KCNIP4: variants seen among roughly 807,000 people sequenced by gnomAD.
The protein encoded by KCNIP4 is Kv channel-interacting protein 4.
KCNIP4 carries 12 observed loss-of-function variants against 34.0 expected under a neutral mutation model. That is an observed-to-expected ratio of 0.35 (90% confidence interval 0.23 to 0.57). The LOEUF (loss-of-function observed/expected upper bound fraction) is 0.57. KCNIP4 is among the 20% of genes least tolerant of loss of function. The pLI, the probability that KCNIP4 is intolerant of heterozygous loss-of-function variation, is 0.83. For synonymous variants in KCNIP4, 124 were observed against 102.2 expected (o/e 1.21, Z -1.29); for missense variants, 238 against 311.7 (o/e 0.76, Z 1.78).
At position 21,786,565 on chromosome 4, in the gene KCNIP4, A is replaced by G. The variant is rs149918955; in HGVS notation, c.61+162006T>C. On this transcript the variant is annotated intron_variant, in intron 1 of 8. Coordinates refer to ENST00000382152, the MANE Select transcript of KCNIP4 (RefSeq NM_025221.6). Reference sequence around the variant, plus strand: ...TGAGTGATTTTAAACCAGCATAGAGAGTCACTCTTTTTTTTTTTTTGAGAT... The same window carrying G: ...TGAGTGATTTTAAACCAGCATAGAGGGTCACTCTTTTTTTTTTTTTGAGAT... Among the ~76,000 whole-genome samples, 14 of 121,658 alleles carry G rather than the reference A, an allele frequency of 1.2e-4. No individual in the cohort carries two copies. The East Asian group carries it at 3.5e-3, about 30-fold the overall frequency. 79.8% of individuals were successfully genotyped at this position (121,658 alleles called of 152,430 possible).
At chr4:21,836,230 T>C (rs529724138) in intron 1 of KCNIP4, among the ~76,000 whole-genome samples, 46 of 152,276 alleles carry the variant, frequency 3.0e-4, no homozygotes, top group African/African-American at 1.0e-3. Context: ...TTTTTTAAAT[T>C]ACAAAGAGAA....
intron 1 of KCNIP4, among the ~76,000 whole-genome samples, chr4:21,499,959 A>T (rs1733176362): frequency 6.6e-6 from 1 of 152,198 alleles, no homozygotes; most frequent in Admixed American, 6.5e-5. Context: ...ATTTATCCTA[A>T]AAATTTTAGA....
At chr4:20,992,698 G>A (rs1737185558) in intron 1 of KCNIP4, among the ~76,000 whole-genome samples, 1 of 151,924 alleles carries the variant, frequency 6.6e-6, no homozygotes, top group Non-Finnish European at 1.5e-5. Flanking sequence ...ACCAACCTTA[G>A]AGCCCTGAAC....
At chr4:21,039,607 A>C (rs971827500) in intron 1 of KCNIP4, among the ~76,000 whole-genome samples, 2 of 152,204 alleles carry the variant, frequency 1.3e-5, no homozygotes, top group Admixed American at 6.5e-5. Context: ...GAAAATTTCC[A>C]GTTGTTATAA....
intron 1 of KCNIP4, among the ~76,000 whole-genome samples, chr4:21,636,611 G>T (rs1746187353): frequency 6.6e-6 from 1 of 152,084 alleles, no homozygotes; most frequent in Non-Finnish European, 1.5e-5. Context: ...AACTCTCCAA[G>T]ATCTACTAAA....
chr4:20,856,040 C>T (rs1312320960), intron 2 of KCNIP4, among the ~76,000 whole-genome samples: 1 of 152,150 alleles, frequency 6.6e-6, no homozygotes, highest in African/African-American at 2.4e-5. Flanking sequence ...CAAAATCCTT[C>T]AATTTTCTCC....
In KCNIP4 at chr4:20,904,729, A is replaced by G. The variant is rs181255447; in HGVS notation, c.62-22020T>C. On this transcript the variant is annotated intron_variant, in intron 1 of 8. Transcript: ENST00000382152. ...TGTTCAACTAATAATATAATCTTAAATACCAATAATGTTTTAAATTTTTAC... is the reference window on the plus strand; with the variant it reads ...TGTTCAACTAATAATATAATCTTAAGTACCAATAATGTTTTAAATTTTTAC... Among the ~76,000 whole-genome samples the G allele has an allele frequency of 2.6e-3, 394 of 152,284 alleles. 2 individuals carry two copies. The highest frequency in any genetic ancestry group is 9.1e-3 in the African/African-American group (377 of 41,560).
intron 1 of KCNIP4, among the ~76,000 whole-genome samples, chr4:21,158,049 A>C (rs966193164): frequency 6.6e-6 from 1 of 152,108 alleles, no homozygotes; most frequent in Non-Finnish European, 1.5e-5. Context: ...TGAAAAAAAA[A>C]CACGCATGTG....
intron 1 of KCNIP4, among the ~76,000 whole-genome samples, chr4:21,824,914 C>T (rs909372500): frequency 6.6e-6 from 1 of 151,994 alleles, no homozygotes; most frequent in Non-Finnish European, 1.5e-5. Flanking sequence ...GCTAGTGAGG[C>T]CCAGAGACCA....
At chr4:20,748,631 A>G (rs149733327) in intron 5 of KCNIP4, among the ~76,000 whole-genome samples, 5,759 of 145,102 alleles carry the variant, frequency 0.04, 174 homozygotes, top group Middle Eastern at 0.069. Flanking sequence ...AAATGTATAT[A>G]TGGAAAAGAG....
At chr4:21,863,670 A>G (rs1164326520) in intron 1 of KCNIP4, among the ~76,000 whole-genome samples, 1 of 152,218 alleles carries the variant, frequency 6.6e-6, no homozygotes, top group Non-Finnish European at 1.5e-5. Flanking sequence ...GAGCAGGAGA[A>G]GAAATGGAGA....
At position 20,749,655 on chromosome 4, in the gene KCNIP4, A is replaced by G. The variant is rs2322688; in HGVS notation, c.429+7T>C. The G allele has an allele frequency of 0.31, 480,100 of 1,574,060 alleles. 76,158 individuals are homozygous for G. Among genetic ancestry groups the G allele is most frequent in the African/African-American group, 0.44 (32,435 of 73,976 alleles). ...GTCAAATGATATGAAAATAATCCAG[A>G]GCTTACCTCGAAACTCACAGCTCCA... On this transcript the variant is annotated splice_region_variant and intron_variant, in intron 5 of 8. Coordinates refer to ENST00000382152, the MANE Select transcript of KCNIP4 (RefSeq NM_025221.6).
chr4:21,714,798 T>TATATTTC (rs1491548244), intron 1 of KCNIP4, among the ~76,000 whole-genome samples: 1 of 484 alleles, frequency 2.1e-3, no homozygotes, highest in Non-Finnish European at 4.8e-3. Context: ...TATTTTATTT[T>TATATTTC]ATTTTATTTT....
intron 1 of KCNIP4, among the ~76,000 whole-genome samples, chr4:21,704,478 T>C (rs1189604384): frequency 6.6e-6 from 1 of 152,114 alleles, no homozygotes; most frequent in African/African-American, 2.4e-5. Flanking sequence ...AGGATTTGTA[T>C]CTAGAGTATA....
At chr4:21,822,565 T>C (rs944427680) in intron 1 of KCNIP4, among the ~76,000 whole-genome samples, 3 of 152,130 alleles carry the variant, frequency 2.0e-5, no homozygotes, top group African/African-American at 7.2e-5. Flanking sequence ...CCATGGTAAA[T>C]TGGTAGTTTA....
chr4:21,390,392 A>G (rs1722457564), intron 1 of KCNIP4, among the ~76,000 whole-genome samples: 1 of 152,136 alleles, frequency 6.6e-6, no homozygotes, highest in Admixed American at 6.6e-5. Context: ...CTATGTCTTC[A>G]ATGGTATTGC....
intron 1 of KCNIP4, among the ~76,000 whole-genome samples, chr4:21,565,984 A>G (rs1577606133): frequency 6.6e-6 from 1 of 152,142 alleles, no homozygotes; most frequent in South Asian, 2.1e-4. Context: ...CTAAGTAGAA[A>G]CAATAGTATC....
intron 1 of KCNIP4, among the ~76,000 whole-genome samples, chr4:21,109,330 T>A (rs1748922438): frequency 6.6e-6 from 1 of 152,260 alleles, no homozygotes; most frequent in Admixed American, 6.5e-5. Context: ...CCAGCCTCGC[T>A]GCTGCCTTGC....
chr4:21,618,053 T>C (rs1043444471), intron 1 of KCNIP4, among the ~76,000 whole-genome samples: 2 of 152,222 alleles, frequency 1.3e-5, no homozygotes, highest in African/African-American at 4.8e-5. Context: ...ATAGGTTGTA[T>C]ACCACTGATG....
Sources: gnomAD v4.1 joint callset for allele counts (sites outside exome capture counted in the v4.1 genomes callset) on GRCh38, gnomAD v4.1.1 for gene constraint, MANE v1.5 for transcripts, NCBI Gene and HGNC (gene_info 2026-07-23, HGNC 2026-07-21) for gene names.